Variants in ADGRB3 observed in about 807,000 individuals in gnomAD.
The protein encoded by ADGRB3 is brain-specific angiogenesis inhibitor 3.
In ADGRB3, 37 loss-of-function variants were observed where a neutral mutation model predicts 193.4. That is an observed-to-expected ratio of 0.19 (90% CI 0.15 to 0.25). ADGRB3 has a LOEUF of 0.25. Among genes scored for constraint, ADGRB3 ranks in the 10% least tolerant of loss-of-function variants. The probability of loss-of-function intolerance (pLI) is 1.00; values close to 1 mark genes in which losing one functional copy is unlikely to be tolerated. For synonymous variants in ADGRB3, 690 were observed against 644.2 expected, an observed-to-expected ratio of 1.07 and a Z score of -1.08; for missense variants, 1,637 against 1,852.9, an observed-to-expected ratio of 0.88 and a Z score of 2.14.
intron 3 of ADGRB3, among the ~76,000 whole-genome samples, chr6:68,788,672 G>A (rs538670322): frequency 2.0e-5 from 3 of 152,122 alleles, no homozygotes; most frequent in African/African-American, 4.8e-5. Context: ...TATTAGGTCC[G>A]CTTGGCGCAG....
At chr6:68,875,764 G>A (rs1182649105) in intron 3 of ADGRB3, among the ~76,000 whole-genome samples, 1 of 151,992 alleles carries the variant, frequency 6.6e-6, no homozygotes, top group African/African-American at 2.4e-5. Flanking sequence ...CTTACTTCAA[G>A]TAAATAATTT....
At chr6:69,336,165 G>T (rs184783767) in intron 24 of ADGRB3, among the ~76,000 whole-genome samples, 6 of 151,886 alleles carry the variant, frequency 4.0e-5, no homozygotes, top group Non-Finnish European at 8.8e-5. Context: ...ATTAAGCCTA[G>T]TACCCATTAG....
At chr6:69,238,715 G>C (rs1271473627) in intron 19 of ADGRB3, among the ~76,000 whole-genome samples, 1 of 151,592 alleles carries the variant, frequency 6.6e-6, no homozygotes, top group East Asian at 1.9e-4. Context: ...GTTTATATTG[G>C]TTGATTCATA....
intron 20 of ADGRB3, among the ~76,000 whole-genome samples, chr6:69,258,043 G>A (rs992266361): frequency 6.6e-6 from 1 of 152,102 alleles, no homozygotes; most frequent in Non-Finnish European, 1.5e-5. Flanking sequence ...GACCCCATTT[G>A]TCAGGAAAGA....
intron 3 of ADGRB3, among the ~76,000 whole-genome samples, chr6:68,791,393 A>G (rs1313084879): frequency 6.6e-6 from 1 of 152,234 alleles, no homozygotes; most frequent in East Asian, 1.9e-4. Flanking sequence ...TAATAACTAT[A>G]TGCATTATAG....
intron 3 of ADGRB3, among the ~76,000 whole-genome samples, chr6:68,914,454 G>A (rs867689637): frequency 5.9e-5 from 9 of 152,106 alleles, no homozygotes; most frequent in East Asian, 3.9e-4. Flanking sequence ...AGCTTCGTAC[G>A]TGAAGGAGAA....
intron 17 of ADGRB3, among the ~76,000 whole-genome samples, chr6:69,213,695 A>G (rs1406811320): frequency 6.6e-6 from 1 of 151,910 alleles, no homozygotes; most frequent in Non-Finnish European, 1.5e-5. Context: ...ATTTTTGTTT[A>G]ATATTATTTT....
chr6:69,161,435 T>G (rs1219367605), intron 17 of ADGRB3, among the ~76,000 whole-genome samples: 1 of 152,038 alleles, frequency 6.6e-6, no homozygotes, highest in East Asian at 1.9e-4. Flanking sequence ...TGTAAAGCAG[T>G]GGTTTCTAAA....
At chr6:69,282,206 G>T (rs934660683) in intron 20 of ADGRB3, among the ~76,000 whole-genome samples, 1 of 152,082 alleles carries the variant, frequency 6.6e-6, no homozygotes, top group Admixed American at 6.6e-5. Flanking sequence ...GGATTTGAAC[G>T]TCTGATTTTA....
chr6:69,168,005 G>A (rs776509239), intron 17 of ADGRB3, among the ~76,000 whole-genome samples: 2 of 152,132 alleles, frequency 1.3e-5, no homozygotes, highest in African/African-American at 2.4e-5. Flanking sequence ...GAGAAACGAT[G>A]TATGATCTCC....
intron 29 of ADGRB3, among the ~76,000 whole-genome samples, chr6:69,364,744 G>A (rs540936580): frequency 6.6e-6 from 1 of 152,180 alleles, no homozygotes; most frequent in Non-Finnish European, 1.5e-5. Flanking sequence ...CTTTGCTTAA[G>A]GTTAAGAAGA....
At chr6:69,023,170 C>A (rs1000110206) in intron 13 of ADGRB3, among the ~76,000 whole-genome samples, 2 of 152,052 alleles carry the variant, frequency 1.3e-5, no homozygotes, top group African/African-American at 2.4e-5. Flanking sequence ...TTACTGTAAG[C>A]AAAGCCTTTG....
chr6:69,130,295 C>T (rs1327337004), intron 17 of ADGRB3, among the ~76,000 whole-genome samples: 1 of 151,874 alleles, frequency 6.6e-6, no homozygotes, highest in Non-Finnish European at 1.5e-5. Context: ...ATCACGGTGG[C>T]CATTAGGATT....
intron 13 of ADGRB3, among the ~76,000 whole-genome samples, chr6:69,018,713 T>A (rs1770169540): frequency 6.6e-6 from 1 of 152,006 alleles, no homozygotes. Flanking sequence ...CTTCATGCAT[T>A]TGTATGATTG....
chr6:68,904,514 T>G (rs932549343), intron 3 of ADGRB3, among the ~76,000 whole-genome samples: 3 of 152,192 alleles, frequency 2.0e-5, no homozygotes, highest in African/African-American at 7.2e-5. Flanking sequence ...TTTGGAGACA[T>G]TTCTATGTTT....
At chr6:68,650,662 C>T (rs1768341452) in intron 3 of ADGRB3, among the ~76,000 whole-genome samples, 1 of 152,078 alleles carries the variant, frequency 6.6e-6, no homozygotes, top group African/African-American at 2.4e-5. Flanking sequence ...AAAACAAAAA[C>T]AAAACACATA....
intron 3 of ADGRB3, among the ~76,000 whole-genome samples, chr6:68,913,446 C>A (rs1487785064): frequency 6.6e-6 from 1 of 152,200 alleles, no homozygotes; most frequent in Non-Finnish European, 1.5e-5. Flanking sequence ...CTGGAGTGGA[C>A]CTCTAGCAAA....
At chr6:68,949,363 G>A (rs959037827) in intron 6 of ADGRB3, among the ~76,000 whole-genome samples, 14 of 152,028 alleles carry the variant, frequency 9.2e-5, no homozygotes, top group Non-Finnish European at 1.9e-4. Context: ...CCATGTTGCA[G>A]ATTCCAGATA....
At chr6:69,281,252 A>G (rs1767429065) in intron 20 of ADGRB3, among the ~76,000 whole-genome samples, 2 of 152,184 alleles carry the variant, frequency 1.3e-5, no homozygotes, top group South Asian at 2.1e-4. Flanking sequence ...CACAGTGGGT[A>G]CAACAGGGAT....
Sources: allele counts gnomAD v4.1 joint callset (sites outside exome capture counted in the v4.1 genomes callset), GRCh38; gene constraint gnomAD v4.1.1; transcripts MANE v1.5; gene names NCBI Gene and HGNC (gene_info 2026-07-23, HGNC 2026-07-21).